The following TTC7B variants were observed in gnomAD, a reference collection of about 807,000 sequenced individuals.
TTC7B encodes tetratricopeptide repeat protein 7B.
Under a neutral mutation model 106.8 loss-of-function variants are expected in TTC7B, and 28 were observed. The ratio of observed to expected loss-of-function variants is 0.26; its 90% CI spans 0.19 to 0.36. TTC7B has a LOEUF of 0.36. Ranked by LOEUF, TTC7B falls within the 10% of genes least tolerant of loss-of-function variation. The pLI, the probability that TTC7B is intolerant of heterozygous loss-of-function variation, is 1.00. For synonymous variants in TTC7B, 405 were observed against 430.6 expected (o/e 0.94, Z 0.74); for missense variants, 862 against 1,076.4 (o/e 0.80, Z 2.79).
intron 18 of TTC7B, among the ~76,000 whole-genome samples, chr14:90,580,513 G>A (rs1276606331): frequency 1.3e-5 from 2 of 152,024 alleles, no homozygotes; most frequent in African/African-American, 4.8e-5. Flanking sequence ...TCTGGCCCAG[G>A]GTGATATCCG....
chr14:90,676,169 A>G (rs1029830348), intron 9 of TTC7B: 2 of 207,140 alleles, frequency 9.7e-6, no homozygotes, highest in Non-Finnish European at 2.0e-5. Context: ...CACTGTACAC[A>G]TTGATACTTT....
chr14:90,747,957 T>C (rs1890020886), intron 3 of TTC7B, among the ~76,000 whole-genome samples: 1 of 152,200 alleles, frequency 6.6e-6, no homozygotes. Context: ...CCTTTACTTT[T>C]AATCTTTACT....
intron 5 of TTC7B, among the ~76,000 whole-genome samples, chr14:90,713,943 A>T (rs1000094617): frequency 6.6e-6 from 1 of 152,240 alleles, no homozygotes; most frequent in Non-Finnish European, 1.5e-5. Context: ...GAAGTGAGAC[A>T]CAGGCCGGGT....
intron 9 of TTC7B, among the ~76,000 whole-genome samples, chr14:90,668,946 C>T (rs1016718098): frequency 2.8e-5 from 4 of 144,592 alleles, no homozygotes; most frequent in Admixed American, 1.4e-4. Context: ...AGGACTCATA[C>T]TTTCTGATTT....
At chr14:90,674,018 G>A (rs967068069) in intron 9 of TTC7B, among the ~76,000 whole-genome samples, 3 of 152,072 alleles carry the variant, frequency 2.0e-5, no homozygotes, top group African/African-American at 7.2e-5. Flanking sequence ...GGTGATGGTT[G>A]CACAGTGGTA....
rs554076665 is a variant in TTC7B, at chr14:90,595,422, G to C, written c.1967-1796C>G. ...AGGGGGAACCTAAGAAGTGTGCTAA[G>C]AATCTATCCTTGTTTAGACAAAGTA... is the stretch of plus-strand genomic sequence containing the variant. On this transcript the variant is annotated intron_variant, in intron 17 of 19. Transcript: ENST00000328459. Among the ~76,000 whole-genome samples, 92 of 152,292 alleles carry C rather than the reference G, an allele frequency of 6.0e-4. 1 individual carries two copies. Among genetic ancestry groups the C allele is most frequent in the African/African-American group, 2.1e-3 (89 of 41,568 alleles).
At chr14:90,586,259 T>C (rs748786513) in intron 18 of TTC7B, among the ~76,000 whole-genome samples, 1 of 152,220 alleles carries the variant, frequency 6.6e-6, no homozygotes, top group Non-Finnish European at 1.5e-5. Flanking sequence ...TGGCTCTTCC[T>C]CTGCTCCTCA....
chr14:90,544,842 C>T (rs138495533), intron 19 of TTC7B, among the ~76,000 whole-genome samples: 3 of 152,192 alleles, frequency 2.0e-5, no homozygotes, highest in Non-Finnish European at 4.4e-5. Context: ...GAGTGGCTCT[C>T]CCAGCAGGGA....
rs545844051 is a variant in TTC7B, at chr14:90,722,134, A to C, written c.698+7941T>G. ...GCCCAGGCGACATGTGGCATCCCCA[A>C]GTTGGCCTTAGCTGGCCAGGCTGCA... On this transcript the variant is annotated intron_variant, in intron 5 of 19. Transcript: ENST00000328459. Among the ~76,000 whole-genome samples the C allele has an allele frequency of 1.2e-4, 19 of 152,304 alleles. No homozygotes were observed. The South Asian group carries it at 3.9e-3, about 32-fold the overall frequency.
intron 7 of TTC7B, among the ~76,000 whole-genome samples, chr14:90,686,508 C>T (rs927473007): frequency 6.6e-6 from 1 of 152,072 alleles, no homozygotes; most frequent in African/African-American, 2.4e-5. Flanking sequence ...TAAAATGCAT[C>T]TAGGTTAGAA....
intron 3 of TTC7B, among the ~76,000 whole-genome samples, chr14:90,755,855 G>T (rs1425742980): frequency 1.3e-5 from 2 of 152,210 alleles, no homozygotes; most frequent in Non-Finnish European, 2.9e-5. Flanking sequence ...CTGTTAGAAG[G>T]CTCGGCCCAG....
chr14:90,616,867 C>T lies in TTC7B; in HGVS notation c.1868+1062G>A, dbSNP rs375039064. Among the ~76,000 whole-genome samples the T allele has an allele frequency of 4.6e-5, 7 of 152,174 alleles. 1 individual carries two copies. In the East Asian group the frequency reaches 7.7e-4, roughly 17 times the overall value. On this transcript the variant is annotated intron_variant, in intron 16 of 19. Transcript: ENST00000328459. ...AGGTGACATATTTTTAGGCCCCTGA[C>T]TCTTAAAAGCATGATATCAGCTGAC... is the stretch of plus-strand genomic sequence containing the variant.
At chr14:90,639,433 AAAAGATGTCCAAACTC>A (rs1885074755) in intron 15 of TTC7B, among the ~76,000 whole-genome samples, 1 of 152,334 alleles carries the variant, frequency 6.6e-6, no homozygotes, top group African/African-American at 2.4e-5. Flanking sequence ...TAGACAAATA[AAAAGATGTCCAAACTC>A]ATTAGTAATG....
At position 90,786,420 on chromosome 14, in the gene TTC7B, G is replaced by A. The variant is rs114655150; in HGVS notation, c.122-92C>T. 9.0e-4 allele frequency: 1,339 copies of A among 1,494,152 alleles called. 9 individuals carry two copies. The African/African-American group carries it at 0.016, about 18-fold the overall frequency. 92.6% of individuals were successfully genotyped at this position (1,494,152 alleles called of 1,614,324 possible). A position where few individuals can be genotyped will look rare whatever the true frequency, so the allele number is the denominator to read the frequency against. ...AGGGACCCCAGAACCACCACCCTCC[G>A]AGGCTCCAGGCCCCCAGCAAGGTCC... On this transcript the variant is annotated intron_variant, in intron 1 of 19. Transcript: ENST00000328459.
intron 15 of TTC7B, among the ~76,000 whole-genome samples, chr14:90,637,347 A>C (rs571232727): frequency 6.6e-6 from 1 of 152,082 alleles, no homozygotes; most frequent in Non-Finnish European, 1.5e-5. Flanking sequence ...GAAATAGAAG[A>C]CCTGAATAGA....
chr14:90,653,348 T>C (rs967756829), intron 12 of TTC7B, among the ~76,000 whole-genome samples: 1 of 152,160 alleles, frequency 6.6e-6, no homozygotes, highest in Non-Finnish European at 1.5e-5. Context: ...ACTGAGAAGC[T>C]GCAGTCCTGG....
chr14:90,633,153 C>T (rs1333110658), intron 15 of TTC7B, among the ~76,000 whole-genome samples: 1 of 152,188 alleles, frequency 6.6e-6, no homozygotes, highest in Non-Finnish European at 1.5e-5. Context: ...TCAGAGAAAA[C>T]ACTTCAAACA....
intron 1 of TTC7B, among the ~76,000 whole-genome samples, chr14:90,792,914 A>T (rs1891635271): frequency 6.6e-6 from 1 of 152,004 alleles, no homozygotes; most frequent in African/African-American, 2.4e-5. Flanking sequence ...TTAGAACCAA[A>T]CCATGAAGTG....
intron 1 of TTC7B, 49 bp downstream of exon 1, chr14:90,816,126 G>C (rs943700): frequency 2.9e-6 from 3 of 1,025,100 alleles, no homozygotes; most frequent in Non-Finnish European, 3.5e-6. Flanking sequence ...CCGTTCCCGC[G>C]GAGGCCGCGG....
Sources: gnomAD v4.1 joint callset for allele counts (sites outside exome capture counted in the v4.1 genomes callset) on GRCh38, gnomAD v4.1.1 for gene constraint, MANE v1.5 for transcripts, NCBI Gene and HGNC (gene_info 2026-07-23, HGNC 2026-07-21) for gene names.